PLPPR1: variants seen among roughly 807,000 people sequenced by gnomAD.
The protein encoded by PLPPR1 is phospholipid phosphatase related 1.
In PLPPR1, 10 loss-of-function variants were observed where a neutral mutation model predicts 33.1. The ratio of observed to expected loss-of-function variants is 0.30; its 90% CI spans 0.19 to 0.51. The LOEUF is 0.51. PLPPR1 is among the 20% of genes least tolerant of loss of function. The probability of loss-of-function intolerance (pLI) is 0.97; values close to 1 mark genes in which losing one functional copy is unlikely to be tolerated. For missense variants in PLPPR1, 304 were observed against 408.1 expected, an observed-to-expected ratio of 0.74 and a Z score of 2.20; for synonymous variants, 151 against 151.0, an observed-to-expected ratio of 1.00 and a Z score of 0.00.
chr9:101,061,898 A>G (rs1300592095), intron 1 of PLPPR1, among the ~76,000 whole-genome samples: 1 of 152,022 alleles, frequency 6.6e-6, no homozygotes, highest in East Asian at 1.9e-4. Flanking sequence ...TTGGGGTGAG[A>G]AAATCAAGAA....
chr9:101,290,720 T>G (rs190903598), intron 4 of PLPPR1, among the ~76,000 whole-genome samples: 1 of 152,256 alleles, frequency 6.6e-6, no homozygotes, highest in Admixed American at 6.5e-5. Context: ...CCTCAGAAAA[T>G]GGTATTAAGA....
At chr9:101,144,896 C>T (rs72741439) in intron 1 of PLPPR1, among the ~76,000 whole-genome samples, 24,447 of 152,180 alleles carry the variant, frequency 0.16, 2,214 homozygotes, top group Non-Finnish European at 0.2. Context: ...ACACTACTCA[C>T]AGCACTTTCA....
intron 1 of PLPPR1, among the ~76,000 whole-genome samples, chr9:101,178,283 G>T (rs544242472): frequency 6.6e-6 from 1 of 152,190 alleles, no homozygotes; most frequent in Non-Finnish European, 1.5e-5. Context: ...GGCTGACCTG[G>T]CTACTGCCAC....
intron 4 of PLPPR1, among the ~76,000 whole-genome samples, chr9:101,299,723 C>G (rs930716306): frequency 2.0e-5 from 3 of 152,186 alleles, no homozygotes; most frequent in African/African-American, 7.2e-5. Context: ...TTAGACAATG[C>G]AAATTCATGA....
intron 4 of PLPPR1, among the ~76,000 whole-genome samples, chr9:101,289,270 T>A (rs1242719076): frequency 6.6e-6 from 1 of 152,244 alleles, no homozygotes; most frequent in African/African-American, 2.4e-5. Context: ...ACTAGTTGCC[T>A]CGTCTTCTAG....
At chr9:101,284,441 C>T (rs1290736162) in intron 3 of PLPPR1, among the ~76,000 whole-genome samples, 2 of 152,032 alleles carry the variant, frequency 1.3e-5, no homozygotes, top group African/African-American at 4.8e-5. Context: ...TTCAAGAGAT[C>T]TATTACACAA....
chr9:101,164,305 AGTT>A (rs897451147), intron 1 of PLPPR1, among the ~76,000 whole-genome samples: 49 of 151,790 alleles, frequency 3.2e-4, no homozygotes, highest in African/African-American at 1.0e-3. Flanking sequence ...TATTTCATAG[AGTT>A]GTTATGAGTT....
intron 2 of PLPPR1, among the ~76,000 whole-genome samples, chr9:101,241,889 T>C (rs1429569667): frequency 6.6e-6 from 1 of 152,114 alleles, no homozygotes; most frequent in East Asian, 1.9e-4. Flanking sequence ...AACCACCCTA[T>C]TTTAATAGTT....
intron 2 of PLPPR1, among the ~76,000 whole-genome samples, chr9:101,221,206 G>T (rs567513701): frequency 1.3e-5 from 2 of 152,036 alleles, no homozygotes; most frequent in African/African-American, 4.8e-5. Context: ...AGCAGTATAC[G>T]CTGCACTGTA....
chr9:101,109,563 C>T (rs1831024987), intron 1 of PLPPR1, among the ~76,000 whole-genome samples: 1 of 152,168 alleles, frequency 6.6e-6, no homozygotes, highest in South Asian at 2.1e-4. Flanking sequence ...AAAATGTACT[C>T]ACTGAGTGAA....
At chr9:101,178,155 C>T (rs112290195) in intron 1 of PLPPR1, among the ~76,000 whole-genome samples, 2,625 of 152,294 alleles carry the variant, frequency 0.017, 80 homozygotes, top group African/African-American at 0.061. Context: ...GTGGATACCA[C>T]TCAGCCTCTT....
intron 3 of PLPPR1, among the ~76,000 whole-genome samples, chr9:101,270,273 C>T (rs1001767998): frequency 1.3e-5 from 2 of 151,830 alleles, no homozygotes; most frequent in Admixed American, 6.5e-5. Context: ...TTTTGTTTTT[C>T]GGTATCTGAA....
At chr9:101,276,238 A>T (rs1398841276) in intron 3 of PLPPR1, among the ~76,000 whole-genome samples, 2 of 152,146 alleles carry the variant, frequency 1.3e-5, no homozygotes, top group South Asian at 2.1e-4. Context: ...TTTAAAAAAA[A>T]ATTCACAACA....
intron 1 of PLPPR1, among the ~76,000 whole-genome samples, chr9:101,129,836 TA>T (rs1251090926): frequency 6.6e-6 from 1 of 151,334 alleles, no homozygotes; most frequent in Non-Finnish European, 1.5e-5. Context: ...CTCAAAACAA[TA>T]AAAAAATAAA....
chr9:101,300,187 T>G (rs1828726319), intron 4 of PLPPR1, among the ~76,000 whole-genome samples: 1 of 152,074 alleles, frequency 6.6e-6, no homozygotes, highest in Non-Finnish European at 1.5e-5. Flanking sequence ...TTATTTTTAT[T>G]TTCTGAGACA....
intron 2 of PLPPR1, among the ~76,000 whole-genome samples, chr9:101,263,990 G>T (rs1386972676): frequency 6.6e-6 from 1 of 151,954 alleles, no homozygotes; most frequent in Admixed American, 6.6e-5. Flanking sequence ...CTCTCAGGGG[G>T]TCAAACTTAT....
intron 4 of PLPPR1, among the ~76,000 whole-genome samples, chr9:101,296,158 C>G (rs1828632898): frequency 6.6e-6 from 1 of 152,088 alleles, no homozygotes; most frequent in Admixed American, 6.5e-5. Context: ...AGACACTTCT[C>G]AAAAGAAGAC....
intron 1 of PLPPR1, among the ~76,000 whole-genome samples, chr9:101,058,995 G>C (rs944282822): frequency 8.5e-5 from 13 of 152,212 alleles, no homozygotes; most frequent in Middle Eastern, 3.4e-3. Flanking sequence ...CATACTTCCA[G>C]CCACTTACTA....
chr9:101,165,895 C>G lies in PLPPR1; in HGVS notation c.-45-19555C>G, dbSNP rs1825848364. Among the ~76,000 whole-genome samples, 4 of 152,184 alleles carry G rather than the reference C, an allele frequency of 2.6e-5. No homozygotes were observed. The South Asian group carries it at 8.3e-4, about 32-fold the overall frequency. ...ATTTTGAATTCACTCTCCTGCCTGT[C>G]TGAAATGCCAAATTCTTAAGCCACC... On this transcript the variant is annotated intron_variant, in intron 1 of 7. Coordinates refer to ENST00000374874, the MANE Select transcript of PLPPR1 (RefSeq NM_207299.2).
Sources: allele counts gnomAD v4.1 joint callset (sites outside exome capture counted in the v4.1 genomes callset), GRCh38; gene constraint gnomAD v4.1.1; transcripts MANE v1.5; gene names NCBI Gene and HGNC (gene_info 2026-07-23, HGNC 2026-07-21).